Variants in CCDC122 observed in about 807,000 individuals in gnomAD.
CCDC122 encodes coiled-coil domain containing 122.
Under a neutral mutation model 37.0 loss-of-function variants are expected in CCDC122, and 38 were observed. The observed-to-expected ratio is 1.03, with a 90% CI of 0.79 to 1.35. CCDC122 has a LOEUF of 1.35. Among genes scored for constraint, CCDC122 ranks in the 40% most tolerant of loss-of-function variants. The pLI, the probability that CCDC122 is intolerant of heterozygous loss-of-function variation, is 0.00. For synonymous variants in CCDC122, 83 were observed against 95.6 expected (o/e 0.87, Z 0.77); for missense variants, 305 against 310.0 (o/e 0.98, Z 0.12).
chr13:43,840,720 T>A (rs1953322992), intron 6 of CCDC122, among the ~76,000 whole-genome samples: 1 of 151,550 alleles, frequency 6.6e-6, no homozygotes, highest in Admixed American at 6.6e-5. Context: ...AACTCATCAT[T>A]TTTTATGGCT....
intron 6 of CCDC122, 88 bp downstream of exon 6, chr13:43,858,693 T>C (rs1345830146): frequency 2.1e-6 from 2 of 947,722 alleles, no homozygotes; most frequent in Non-Finnish European, 2.9e-6. Context: ...GTTTTGAGTA[T>C]TGAGAGTAAA....
intron 4 of CCDC122, among the ~76,000 whole-genome samples, chr13:43,862,830 T>C (rs1954152729): frequency 6.6e-6 from 1 of 152,174 alleles, no homozygotes; most frequent in Admixed American, 6.5e-5. Flanking sequence ...TTCTCTTTCT[T>C]GGACTAATGT....
chr13:43,842,494 G>T (rs531015735), intron 6 of CCDC122, among the ~76,000 whole-genome samples: 12 of 150,736 alleles, frequency 8.0e-5, no homozygotes, highest in East Asian at 7.8e-4. Flanking sequence ...TCTTTTATAA[G>T]GTTGTTTTGG....
intron 1 of CCDC122, among the ~76,000 whole-genome samples, chr13:43,878,974 G>A (rs1483837691): frequency 6.6e-6 from 1 of 152,158 alleles, no homozygotes; most frequent in African/African-American, 2.4e-5. Context: ...CCTGACTTGA[G>A]CCCTGCATGG....
chr13:43,866,090 G>A (rs975934991), intron 4 of CCDC122, among the ~76,000 whole-genome samples: 2 of 152,176 alleles, frequency 1.3e-5, no homozygotes, highest in Non-Finnish European at 2.9e-5. Flanking sequence ...ACAAAAGGAC[G>A]ACTCACATCC....
At chr13:43,865,659 T>G (rs1399386940) in intron 4 of CCDC122, among the ~76,000 whole-genome samples, 1 of 152,148 alleles carries the variant, frequency 6.6e-6, no homozygotes, top group Admixed American at 6.5e-5. Flanking sequence ...GAGACAGGGT[T>G]TCACCATGTT....
chr13:43,821,167 C>T (rs76911277), downstream of CCDC122, among the ~76,000 whole-genome samples: 3,505 of 152,228 alleles, frequency 0.023, 94 homozygotes, highest in South Asian at 0.13. Context: ...TAAATCTACT[C>T]GCTGCTCAAT....
chr13:43,868,728 A>G lies in CCDC122; in HGVS notation c.122T>C (p.Ile41Thr), dbSNP rs374803113. ...AKQQQSQASE[I>T]EKNKKVLFNL... is the part of the protein sequence containing the mutation. ...GAACAGAACCTTTTTGTTTTTTTCTATCTCTGATGCTTGTGATTGTTGTTG... is the reference window on the plus strand; with the variant it reads ...GAACAGAACCTTTTTGTTTTTTTCTGTCTCTGATGCTTGTGATTGTTGTTG... The change falls in exon 4 of 7, where the codon ATA becomes ACA. Residue 41 changes from isoleucine (I) to threonine (T), a missense_variant. Ile to Thr is a moderately conservative substitution (Grantham distance 89, BLOSUM62 -1). Transcript: ENST00000444614. 13 of 1,561,802 alleles carry G rather than the reference A, an allele frequency of 8.3e-6. No homozygotes were observed. Among genetic ancestry groups the G allele is most frequent in the African/African-American group, 5.5e-5 (4 of 73,118 alleles).
intron 6 of CCDC122, among the ~76,000 whole-genome samples, chr13:43,842,106 C>T (rs1434055164): frequency 3.3e-5 from 5 of 152,092 alleles, no homozygotes; most frequent in Non-Finnish European, 7.4e-5. Context: ...AGTTTGTGTA[C>T]CAAGAAATCT....
intron 1 of CCDC122, among the ~76,000 whole-genome samples, chr13:43,875,871 G>T (rs557053349): frequency 3.3e-5 from 5 of 152,324 alleles, no homozygotes; most frequent in African/African-American, 1.2e-4. Context: ...GCAGGAGATT[G>T]TGGCTCCCTC....
intron 4 of CCDC122, among the ~76,000 whole-genome samples, chr13:43,863,407 T>C (rs1185817145): frequency 6.6e-6 from 1 of 152,228 alleles, no homozygotes; most frequent in Non-Finnish European, 1.5e-5. Context: ...CATATTAGTT[T>C]ATTAGTTCAT....
chr13:43,869,595 T>G, intron 2 of CCDC122, 106 bp from the exon 3 acceptor site: 1 of 487,040 alleles, frequency 2.1e-6, no homozygotes, highest in East Asian at 3.8e-5. Flanking sequence ...GGAATGAAAG[T>G]AGAACTGCAT....
chr13:43,877,085 G>A (rs558430268), intron 1 of CCDC122, among the ~76,000 whole-genome samples: 19 of 152,278 alleles, frequency 1.2e-4, no homozygotes, highest in Middle Eastern at 3.4e-3. Flanking sequence ...ACAGCCTGGC[G>A]ACAGAGCGAG....
At chr13:43,875,158 C>A (rs918736387) in intron 1 of CCDC122, among the ~76,000 whole-genome samples, 4 of 152,188 alleles carry the variant, frequency 2.6e-5, no homozygotes, top group African/African-American at 9.7e-5. Context: ...GTCCAGGCAA[C>A]TGTTTCGAAA....
At chr13:43,850,844 TA>T (rs1373986482) in intron 6 of CCDC122, among the ~76,000 whole-genome samples, 2 of 152,148 alleles carry the variant, frequency 1.3e-5, no homozygotes, top group Non-Finnish European at 1.5e-5. Context: ...CCAAAAAGGA[TA>T]TATGCAAAGA....
At chr13:43,846,152 G>A (rs948601113) in intron 6 of CCDC122, among the ~76,000 whole-genome samples, 1 of 151,828 alleles carries the variant, frequency 6.6e-6, no homozygotes, top group African/African-American at 2.4e-5. Context: ...TCAGCTCACT[G>A]CAACCTCCGC....
chr13:43,820,737 T>G (rs753326798), downstream of CCDC122, among the ~76,000 whole-genome samples: 1 of 152,180 alleles, frequency 6.6e-6, no homozygotes, highest in Non-Finnish European at 1.5e-5. Flanking sequence ...GAAGCAGAAT[T>G]TTTCTTCATA....
At chr13:43,835,980 A>G (rs1290284752), downstream of CCDC122, among the ~76,000 whole-genome samples, 1 of 152,210 alleles carries the variant, frequency 6.6e-6, no homozygotes, top group Non-Finnish European at 1.5e-5. Context: ...CTAAGCCACA[A>G]TAAAACTATT....
downstream of CCDC122, among the ~76,000 whole-genome samples, chr13:43,832,549 T>C (rs2153868545): frequency 6.6e-6 from 1 of 152,322 alleles, no homozygotes; most frequent in African/African-American, 2.4e-5. Flanking sequence ...CAAAATACTA[T>C]ACTGACACTG....
Sources: allele counts gnomAD v4.1 joint callset (sites outside exome capture counted in the v4.1 genomes callset), GRCh38; gene constraint gnomAD v4.1.1; transcripts MANE v1.5; gene names NCBI Gene and HGNC (gene_info 2026-07-23, HGNC 2026-07-21).